CFAP77: variants seen among roughly 807,000 people sequenced by gnomAD.
The protein encoded by CFAP77 is cilia- and flagella-associated protein 77.
Under a neutral mutation model 31.1 loss-of-function variants are expected in CFAP77, and 25 were observed. The observed-to-expected ratio is 0.80, with a 90% CI of 0.59 to 1.12. The LOEUF (loss-of-function observed/expected upper bound fraction) is 1.12. CFAP77 is among the 50% of genes most tolerant of loss of function. The probability of loss-of-function intolerance (pLI) is 0.00; values close to 1 mark genes in which losing one functional copy is unlikely to be tolerated. For missense variants in CFAP77, 377 were observed against 397.3 expected (o/e 0.95, Z 0.44); for synonymous variants, 151 against 159.9 (o/e 0.94, Z 0.42).
chr9:132,502,879 C>T (rs1851876560), intron 3 of CFAP77, among the ~76,000 whole-genome samples: 2 of 152,216 alleles, frequency 1.3e-5, no homozygotes, highest in Non-Finnish European at 1.5e-5. Context: ...GGACCCGCCA[C>T]ACTGCTGTCC....
chr9:132,484,482 T>G (rs1851503243), intron 1 of CFAP77, among the ~76,000 whole-genome samples: 1 of 152,232 alleles, frequency 6.6e-6, no homozygotes, highest in Admixed American at 6.5e-5. Context: ...AATGGGTTCA[T>G]ACATGTGGCC....
At chr9:132,469,664 A>T (rs903238767) in intron 1 of CFAP77, among the ~76,000 whole-genome samples, 20 of 151,048 alleles carry the variant, frequency 1.3e-4, no homozygotes, top group Middle Eastern at 3.2e-3. Context: ...CCACCTTTTT[A>T]AAAAAAAACT....
intron 3 of CFAP77, among the ~76,000 whole-genome samples, chr9:132,535,752 C>T (rs967559678): frequency 6.0e-5 from 9 of 148,894 alleles, no homozygotes; most frequent in African/African-American, 2.3e-4. Context: ...TAAATAAAGT[C>T]ACTTGAAATC....
intron 5 of CFAP77, among the ~76,000 whole-genome samples, chr9:132,567,080 C>T (rs1244608339): frequency 6.6e-6 from 1 of 152,246 alleles, no homozygotes. Context: ...GAGCTCCCTT[C>T]TGGGATGAAT....
In CFAP77 at chr9:132,443,059, C is replaced by G. The variant is rs1031673852; in HGVS notation, c.195+32593C>G. ...TTTGGATATTGTATATAAAGGGAAT[C>G]ATAACATGTGACTTTTTGTGTTAGG... On this transcript the variant is annotated intron_variant, in intron 1 of 5. Transcript: ENST00000393216. Among the ~76,000 whole-genome samples, 4 of 152,232 alleles carry G rather than the reference C, an allele frequency of 2.6e-5. No homozygotes were observed. The East Asian group carries it at 7.7e-4, about 29-fold the overall frequency.
Position 132,545,519 on chromosome 9 carries a change from G to A in CFAP77, c.732+2472G>A, listed in dbSNP as rs927658823. 6.6e-6 allele frequency among the ~76,000 whole-genome samples: 1 copy of A among 152,212 alleles called. No homozygotes were observed. Among genetic ancestry groups the A allele is most frequent in the African/African-American group, 2.4e-5 (1 of 41,448 alleles). The stretch of plus-strand genomic sequence containing the variant: ...TCCGAGGGTATTCGCAGGATGCTGG[G>A]AGTTAAAGCTGCAGGCTGTCTCCCT... On this transcript the variant is annotated intron_variant, in intron 5 of 5. Coordinates refer to ENST00000393216, the MANE Select transcript of CFAP77 (RefSeq NM_001282957.2). This position sits in a 1 kb window ranked among gnomAD's most constrained non-coding sequence, Gnocchi z 4.6.
At chr9:132,458,801 T>C (rs150743631) in intron 1 of CFAP77, among the ~76,000 whole-genome samples, 2 of 152,364 alleles carry the variant, frequency 1.3e-5, no homozygotes, top group South Asian at 2.1e-4. Context: ...GGTGATACCT[T>C]GTTATACCTG....
chr9:132,445,748 A>G (rs1343574591), intron 1 of CFAP77, among the ~76,000 whole-genome samples: 1 of 151,982 alleles, frequency 6.6e-6, no homozygotes, highest in Non-Finnish European at 1.5e-5. Context: ...GGGTGCCTGT[A>G]ATCCCAGCTA....
chr9:132,533,333 A>G (rs1232605199), intron 3 of CFAP77, among the ~76,000 whole-genome samples: 2 of 152,236 alleles, frequency 1.3e-5, no homozygotes, highest in East Asian at 1.9e-4. Context: ...CCTGTGTACG[A>G]GTGTCCTGTG....
intron 1 of CFAP77, among the ~76,000 whole-genome samples, chr9:132,452,703 T>C (rs1377222087): frequency 1.3e-5 from 2 of 152,066 alleles, no homozygotes; most frequent in African/African-American, 4.8e-5. Flanking sequence ...CAGACTCCAA[T>C]TGGATATAAA....
rs1852046076 is a variant in CFAP77 at position 132,511,786 on chromosome 9, C to T, written c.524+12186C>T. On this transcript the variant is annotated intron_variant, in intron 3 of 5. Transcript: ENST00000393216. The surrounding 1 kb of genome is among the most constrained non-coding windows in gnomAD (Gnocchi z 5.8). ...TAACAAAAATGAAGCGGCCGCGCGG[C>T]GGCTCACGCCTGTCATCCCAGCACT... is the stretch of plus-strand genomic sequence containing the variant. 1.3e-5 allele frequency among the ~76,000 whole-genome samples: 2 copies of T among 152,140 alleles called. No individual in the cohort carries two copies. Among genetic ancestry groups the T allele is most frequent in the African/African-American group, 2.4e-5 (1 of 41,450 alleles).
intron 1 of CFAP77, chr9:132,482,187 CTTT>C: frequency 2.0e-6 from 1 of 498,116 alleles, no homozygotes; most frequent in South Asian, 2.6e-5. Context: ...TTCTTTCTTT[CTTT>C]TTTTTTTTCT....
chr9:132,441,882 C>T (rs1272052817), intron 1 of CFAP77, among the ~76,000 whole-genome samples: 2 of 152,314 alleles, frequency 1.3e-5, no homozygotes, highest in South Asian at 2.1e-4. Context: ...GTCTCAGCCC[C>T]CACCCCAGAC....
rs1851107266 is a variant in CFAP77, at chr9:132,463,968, T to A, written c.196-34727T>A. Among the ~76,000 whole-genome samples, 4 of 152,178 alleles carry A rather than the reference T, an allele frequency of 2.6e-5. 1 individual carries two copies. In the South Asian group the frequency reaches 8.3e-4, roughly 32 times the overall value. On this transcript the variant is annotated intron_variant, in intron 1 of 5. Transcript: ENST00000393216. ...GCTGGGAGCCGCCTGATGGTTTTAG[T>A]TCCCGGTCATGGCTGGGTGACAGGC...
chr9:132,419,358 G>A (rs1029242640), intron 1 of CFAP77, among the ~76,000 whole-genome samples: 7 of 152,304 alleles, frequency 4.6e-5, no homozygotes, highest in African/African-American at 1.4e-4. Flanking sequence ...CCAGGTGGCT[G>A]GTTGTTTGTA....
At chr9:132,421,255 G>A (rs1376385008) in intron 1 of CFAP77, among the ~76,000 whole-genome samples, 1 of 152,040 alleles carries the variant, frequency 6.6e-6, no homozygotes, top group Non-Finnish European at 1.5e-5. Flanking sequence ...GCCTCCCAAA[G>A]TGATGGGATT....
chr9:132,558,341 G>T (rs974205805), intron 5 of CFAP77, among the ~76,000 whole-genome samples: 1 of 152,222 alleles, frequency 6.6e-6, no homozygotes, highest in African/African-American at 2.4e-5. Context: ...AGCAGAATGG[G>T]AGAAAATATT....
rs541612898 is a variant in CFAP77, at chr9:132,497,799, C to A, written c.196-896C>A. ...CATTGTGCCTGGGATGCAGTCCGAA[C>A]CCAGCAAGTGCCCACTGATGCAGCG... On this transcript the variant is annotated intron_variant, in intron 1 of 5. Transcript: ENST00000393216. This position sits in a 1 kb window ranked among gnomAD's most constrained non-coding sequence, Gnocchi z 4.9. 6.6e-6 allele frequency among the ~76,000 whole-genome samples: 1 copy of A among 152,294 alleles called. No homozygotes were observed. Among genetic ancestry groups the A allele is most frequent in the Admixed American group, 6.5e-5 (1 of 15,292 alleles).
chr9:132,570,542 C>A (rs555238641), intron 5 of CFAP77, among the ~76,000 whole-genome samples: 2 of 152,226 alleles, frequency 1.3e-5, no homozygotes, highest in South Asian at 4.1e-4. Flanking sequence ...TTGCAAAGGG[C>A]CCTGAAACCT....
Sources: gnomAD v4.1 joint callset for allele counts (sites outside exome capture counted in the v4.1 genomes callset) on GRCh38, gnomAD v4.1.1 for gene constraint, Gnocchi (gnomAD v3.1) non-coding constraint, MANE v1.5 for transcripts, NCBI Gene and HGNC (gene_info 2026-07-23, HGNC 2026-07-21) for gene names.